ANKS1B: variants seen among roughly 807,000 people sequenced by gnomAD.
ANKS1B encodes ankyrin repeat and sterile alpha motif domain-containing protein 1B.
Under a neutral mutation model 148.3 loss-of-function variants are expected in ANKS1B, and 36 were observed. The ratio of observed to expected loss-of-function variants is 0.24; its 90% CI spans 0.19 to 0.32. The LOEUF (loss-of-function observed/expected upper bound fraction) is 0.32. ANKS1B is among the 10% of genes least tolerant of loss of function. The pLI is 1.00. For synonymous variants in ANKS1B, 542 were observed against 560.8 expected, an observed-to-expected ratio of 0.97 and a Z score of 0.47; for missense variants, 1,157 against 1,542.6, an observed-to-expected ratio of 0.75 and a Z score of 4.19.
At chr12:99,483,599 G>C (rs1402137400) in intron 10 of ANKS1B, among the ~76,000 whole-genome samples, 4 of 151,814 alleles carry the variant, frequency 2.6e-5, no homozygotes, top group African/African-American at 9.7e-5. Context: ...TGAATGTCTG[G>C]TAGAATTCAG....
chr12:99,910,231 T>G (rs946604283), intron 1 of ANKS1B, among the ~76,000 whole-genome samples: 4 of 151,600 alleles, frequency 2.6e-5, no homozygotes, highest in Admixed American at 2.6e-4. Context: ...GCCCCGTGCC[T>G]GTAATCCCAG....
chr12:99,152,869 T>C (rs2153820854), intron 15 of ANKS1B, among the ~76,000 whole-genome samples: 1 of 152,314 alleles, frequency 6.6e-6, no homozygotes, highest in African/African-American at 2.4e-5. Flanking sequence ...GCCATCTGTT[T>C]AGTGTCCTAA....
chr12:99,055,173 C>A (rs1256768214), intron 16 of ANKS1B, among the ~76,000 whole-genome samples: 1 of 152,148 alleles, frequency 6.6e-6, no homozygotes, highest in Non-Finnish European at 1.5e-5. Flanking sequence ...AATATTGGGG[C>A]TGGGTACATT....
chr12:99,223,418 T>C (rs1171033684), intron 14 of ANKS1B, among the ~76,000 whole-genome samples: 1 of 152,116 alleles, frequency 6.6e-6, no homozygotes, highest in African/African-American at 2.4e-5. Context: ...CACTACAACG[T>C]AGAATCAGTG....
In ANKS1B at chr12:99,984,349, A is replaced by C; in HGVS notation, c.-112T>G. On this transcript the variant is annotated 5_prime_UTR_variant, in exon 1 of 27. Transcript: ENST00000683438. ...CTTCGCCCCACCCTAAAATAATGCA[A>C]GAGCTTCAGCACGGAGAGCTCCCTG... The C allele has an allele frequency of 1.3e-6, 1 of 752,250 alleles. No homozygotes were observed. Among genetic ancestry groups the C allele is most frequent in the South Asian group, 1.8e-5 (1 of 55,290 alleles). The allele number at this position is 752,250 out of a possible 1,614,324, so 46.6% of individuals were successfully genotyped here.
At chr12:99,675,101 G>A (rs1464367717) in intron 8 of ANKS1B, among the ~76,000 whole-genome samples, 2 of 151,918 alleles carry the variant, frequency 1.3e-5, no homozygotes, top group Non-Finnish European at 2.9e-5. Flanking sequence ...AAACCATAAT[G>A]TTTGGTGAGG....
intron 8 of ANKS1B, among the ~76,000 whole-genome samples, chr12:99,727,577 TAGATTCAATGCTATTCCCATCA>T (rs371648133): frequency 1.3e-5 from 2 of 152,278 alleles, no homozygotes; most frequent in African/African-American, 4.8e-5. Context: ...AAGTAATTTA[TAGATTCAATGCTATTCCCATCA>T]AGCTACCATT....
chr12:99,226,365 T>TA (rs1401611884), intron 14 of ANKS1B, among the ~76,000 whole-genome samples: 2 of 152,210 alleles, frequency 1.3e-5, no homozygotes, highest in Non-Finnish European at 2.9e-5. Flanking sequence ...TTGCTTGTGT[T>TA]AAAATGAGCC....
At chr12:99,757,892 G>A (rs1294757897) in intron 8 of ANKS1B, among the ~76,000 whole-genome samples, 1 of 151,932 alleles carries the variant, frequency 6.6e-6, no homozygotes, top group African/African-American at 2.4e-5. Flanking sequence ...TAAGTGATGA[G>A]AACACACAGA....
chr12:98,854,686 G>A (rs546129871), intron 17 of ANKS1B, among the ~76,000 whole-genome samples: 4 of 152,108 alleles, frequency 2.6e-5, no homozygotes, highest in African/African-American at 4.8e-5. Context: ...TGCCAGGAAC[G>A]TATTTCTAAA....
chr12:99,261,129 A>C (rs1048043700), intron 12 of ANKS1B, among the ~76,000 whole-genome samples: 1 of 152,124 alleles, frequency 6.6e-6, no homozygotes. Context: ...TAGTCTCTTA[A>C]ATCTACTCCA....
At chr12:99,907,430 C>G (rs1398652492) in intron 1 of ANKS1B, among the ~76,000 whole-genome samples, 1 of 152,160 alleles carries the variant, frequency 6.6e-6, no homozygotes, top group Non-Finnish European at 1.5e-5. Context: ...CATCTAAATG[C>G]ATGATCAGAC....
At chr12:98,928,474 C>T (rs1460508509) in intron 17 of ANKS1B, among the ~76,000 whole-genome samples, 1 of 151,754 alleles carries the variant, frequency 6.6e-6, no homozygotes, top group African/African-American at 2.4e-5. Flanking sequence ...ACAATGACAT[C>T]ACAAGAAAAT....
intron 10 of ANKS1B, among the ~76,000 whole-genome samples, chr12:99,486,177 T>C (rs2096485715): frequency 6.6e-6 from 1 of 152,068 alleles, no homozygotes; most frequent in Non-Finnish European, 1.5e-5. Context: ...TATTCTTAAA[T>C]TTATGTTTGA....
intron 9 of ANKS1B, among the ~76,000 whole-genome samples, chr12:99,528,310 C>T (rs1031387375): frequency 6.6e-6 from 1 of 151,476 alleles, no homozygotes; most frequent in Non-Finnish European, 1.5e-5. Flanking sequence ...GGACATAGAA[C>T]TAGACAAAGA....
At chr12:99,526,881 A>T (rs1162530127) in intron 9 of ANKS1B, among the ~76,000 whole-genome samples, 1 of 152,212 alleles carries the variant, frequency 6.6e-6, no homozygotes, top group African/African-American at 2.4e-5. Context: ...CAATTAGTTA[A>T]ATGGAGATGA....
At chr12:98,889,938 G>C (rs1013525565) in intron 17 of ANKS1B, among the ~76,000 whole-genome samples, 2 of 152,142 alleles carry the variant, frequency 1.3e-5, no homozygotes, top group East Asian at 1.9e-4. Context: ...ATTAGGAAGA[G>C]AGGGGCTCAG....
At chr12:98,995,828 G>C (rs1215639969) in intron 17 of ANKS1B, among the ~76,000 whole-genome samples, 2 of 152,136 alleles carry the variant, frequency 1.3e-5, no homozygotes, top group Non-Finnish European at 2.9e-5. Context: ...CCTGCAGTTG[G>C]AACACAGCAC....
intron 14 of ANKS1B, among the ~76,000 whole-genome samples, chr12:99,217,476 T>A (rs1449794801): frequency 6.6e-6 from 1 of 152,134 alleles, no homozygotes; most frequent in Non-Finnish European, 1.5e-5. Flanking sequence ...TCCATTATGT[T>A]TCCTACCTCC....
Sources: allele counts gnomAD v4.1 joint callset (sites outside exome capture counted in the v4.1 genomes callset), GRCh38; gene constraint gnomAD v4.1.1; transcripts MANE v1.5; gene names NCBI Gene and HGNC (gene_info 2026-07-23, HGNC 2026-07-21).